Variants in TRMT11 observed in about 807,000 individuals in gnomAD.
The protein encoded by TRMT11 is tRNA (guanine(10)-N(2))-methyltransferase TRMT11.
Under a neutral mutation model 62.8 loss-of-function variants are expected in TRMT11, and 53 were observed. The ratio of observed to expected loss-of-function variants is 0.84; its 90% CI spans 0.68 to 1.06. TRMT11 has a LOEUF of 1.06. Ranked by LOEUF, TRMT11 falls within the 50% of genes least tolerant of loss-of-function variation. TRMT11 has a pLI of 0.00. For missense variants in TRMT11, 556 were observed against 553.4 expected (o/e 1.00, Z -0.05); for synonymous variants, 188 against 190.3 (o/e 0.99, Z 0.10).
At chr6:126,056,953 G>A (rs1776391243) in intron 17 of TRMT11, among the ~76,000 whole-genome samples, 1 of 152,158 alleles carries the variant, frequency 6.6e-6, no homozygotes, top group African/African-American at 2.4e-5. Flanking sequence ...GGCCCACTGA[G>A]GCTTTCTTGG....
chr6:126,038,662 C>T (rs2128081473), intron 12 of TRMT11, 43 bp from the exon 13 acceptor site: 1 of 1,521,574 alleles, frequency 6.6e-7, no homozygotes, highest in South Asian at 1.3e-5. Context: ...TATAAGCTAA[C>T]TAAAGAAATA....
At chr6:126,160,149 A>G (rs1201626199) in intron 21 of TRMT11, among the ~76,000 whole-genome samples, 1 of 152,136 alleles carries the variant, frequency 6.6e-6, no homozygotes, top group Non-Finnish European at 1.5e-5. Context: ...TCTTAATTAC[A>G]TCTGCAAAGA....
intron 21 of TRMT11, among the ~76,000 whole-genome samples, chr6:126,156,524 GT>G (rs1778123784): frequency 1.3e-5 from 2 of 152,248 alleles, no homozygotes; most frequent in Admixed American, 1.3e-4. Context: ...GTCAGTACTA[GT>G]TTTATGTATT....
the TRMT11 span, among the ~76,000 whole-genome samples, chr6:126,210,818 T>C: frequency 5.9e-5 from 9 of 152,230 alleles, no homozygotes; most frequent in African/African-American, 2.2e-4. Context: ...ATTGTGTTGA[T>C]ACCTTGCTCA....
intron 17 of TRMT11, among the ~76,000 whole-genome samples, chr6:126,070,071 A>G (rs1384225355): frequency 6.6e-6 from 1 of 152,334 alleles, no homozygotes; most frequent in East Asian, 1.9e-4. Flanking sequence ...ATGACACATT[A>G]AATAGTAGCC....
downstream of TRMT11, among the ~76,000 whole-genome samples, chr6:126,206,554 A>C (rs1393367272): frequency 6.6e-6 from 1 of 152,252 alleles, no homozygotes; most frequent in Non-Finnish European, 1.5e-5. Context: ...ATATAAAAAC[A>C]TTTAATACAA....
intron 3 of TRMT11, among the ~76,000 whole-genome samples, chr6:126,200,854 G>T (rs1162021870): frequency 6.6e-6 from 1 of 152,082 alleles, no homozygotes; most frequent in Admixed American, 6.6e-5. Flanking sequence ...CGCCCGGCCC[G>T]ACATGCATTT....
At chr6:126,088,288 T>G (rs1243102709) in intron 17 of TRMT11, among the ~76,000 whole-genome samples, 1 of 152,212 alleles carries the variant, frequency 6.6e-6, no homozygotes, top group Non-Finnish European at 1.5e-5. Context: ...TCATCATCCC[T>G]GTATATAACA....
Position 126,064,169 on chromosome 6 carries a change from T to C in TRMT11, c.*1437+10979T>C, listed in dbSNP as rs76273427. On this transcript the variant is annotated intron_variant and NMD_transcript_variant, in intron 17 of 22. Transcript: ENST00000648977. Reference sequence around the variant, plus strand: ...AGAAGATGGGGGTGAGCTCTGAGTGTTGGTTCTGACTCATGAGCAAAGGTG... The same window carrying C: ...AGAAGATGGGGGTGAGCTCTGAGTGCTGGTTCTGACTCATGAGCAAAGGTG... 6.2e-3 allele frequency among the ~76,000 whole-genome samples: 944 copies of C among 151,978 alleles called. 11 individuals carry two copies. Among genetic ancestry groups the C allele is most frequent in the African/African-American group, 0.021 (870 of 41,418 alleles).
chr6:126,234,847 C>T, the TRMT11 span, among the ~76,000 whole-genome samples: 1 of 152,136 alleles, frequency 6.6e-6, no homozygotes, highest in African/African-American at 2.4e-5. Flanking sequence ...TCTGCATACA[C>T]TGATGGATAA....
downstream of TRMT11, among the ~76,000 whole-genome samples, chr6:126,205,327 A>AC (rs1365605723): frequency 6.6e-6 from 1 of 152,040 alleles, no homozygotes. Flanking sequence ...ACATGGTGAA[A>AC]CCCCCGTCTC....
chr6:126,038,628 G>T, intron 12 of TRMT11, 77 bp from the exon 13 acceptor site: 1 of 1,295,358 alleles, frequency 7.7e-7, no homozygotes, highest in Non-Finnish European at 1.0e-6. Flanking sequence ...TTAAGATTTT[G>T]CTTAAGGTAA....
intron 17 of TRMT11, among the ~76,000 whole-genome samples, chr6:126,065,311 C>G (rs897327056): frequency 3.9e-5 from 6 of 152,084 alleles, no homozygotes; most frequent in Admixed American, 2.0e-4. Context: ...ACTCCTGCCA[C>G]GATGACGAGG....
the TRMT11 span, among the ~76,000 whole-genome samples, chr6:126,215,334 C>G: frequency 6.6e-6 from 1 of 151,880 alleles, no homozygotes; most frequent in Non-Finnish European, 1.5e-5. Flanking sequence ...CTCTTTATCT[C>G]TAATAATATT....
At chr6:126,120,802 T>C (rs1338977526) in intron 21 of TRMT11, among the ~76,000 whole-genome samples, 1 of 152,112 alleles carries the variant, frequency 6.6e-6, no homozygotes, top group African/African-American at 2.4e-5. Flanking sequence ...AGGAAGCCTG[T>C]GGAATAAGTC....
At chr6:126,120,608 C>G (rs1777639293) in intron 21 of TRMT11, among the ~76,000 whole-genome samples, 1 of 152,108 alleles carries the variant, frequency 6.6e-6, no homozygotes, top group Admixed American at 6.6e-5. Context: ...TGTTTAAGGG[C>G]TGTAATTCTA....
chr6:125,992,251 T>C (rs1295116067), intron 1 of TRMT11, among the ~76,000 whole-genome samples: 1 of 152,222 alleles, frequency 6.6e-6, no homozygotes. Flanking sequence ...TTTCACTTTT[T>C]TTCCCCACCT....
chr6:126,048,984 A>T (rs949804938), intron 16 of TRMT11, among the ~76,000 whole-genome samples: 8 of 152,362 alleles, frequency 5.3e-5, no homozygotes, highest in South Asian at 2.1e-4. Context: ...ACCATTTGGT[A>T]TGACAATGAT....
At chr6:125,986,836 CTT>C (rs1562225024) in intron 1 of TRMT11, 1 of 548,582 alleles carries the variant, frequency 1.8e-6, no homozygotes, top group Non-Finnish European at 3.2e-6. Flanking sequence ...CCTGCTTAAA[CTT>C]TTCATTCTTT....
Sources: allele counts gnomAD v4.1 joint callset (sites outside exome capture counted in the v4.1 genomes callset), GRCh38; gene constraint gnomAD v4.1.1; transcripts MANE v1.5; gene names NCBI Gene and HGNC (gene_info 2026-07-23, HGNC 2026-07-21).